Variants in PRRX2 observed in about 807,000 individuals in gnomAD.
PRRX2 encodes paired related homeobox 2.
In PRRX2, 11 loss-of-function variants were observed where a neutral mutation model predicts 18.0. The ratio of observed to expected loss-of-function variants is 0.61; its 90% confidence interval spans 0.39 to 1.01. The LOEUF is 1.01. Among genes scored for constraint, PRRX2 ranks in the 50% least tolerant of loss-of-function variants. The pLI is 0.01. For missense variants in PRRX2, 387 were observed against 351.0 expected (o/e 1.10, Z -0.82); for synonymous variants, 177 against 154.8 (o/e 1.14, Z -1.06).
At chr9:129,686,614 T>C (rs778675571) in intron 1 of PRRX2, among the ~76,000 whole-genome samples, 36 of 152,132 alleles carry the variant, frequency 2.4e-4, no homozygotes, top group Non-Finnish European at 4.6e-4. Flanking sequence ...ATCACAGGCA[T>C]GAGCCTCCCA....
intron 1 of PRRX2, among the ~76,000 whole-genome samples, chr9:129,710,688 G>A (rs922777574): frequency 6.6e-5 from 10 of 152,142 alleles, no homozygotes; most frequent in African/African-American, 2.2e-4. Context: ...AGCAGAGATC[G>A]CGCCAGTGCA....
rs549664445 is a variant in PRRX2 at position 129,680,683 on chromosome 9, C to T, written c.259+14557C>T. 5.3e-5 allele frequency among the ~76,000 whole-genome samples: 8 copies of T among 152,186 alleles called. No homozygotes were observed. The South Asian group carries it at 1.7e-3, about 32-fold the overall frequency. On this transcript the variant is annotated intron_variant, in intron 1 of 3. Transcript: ENST00000372469. ...CTTTCCAAAAGGGAGATAAGTTACCCAGCCCAACACCCCGCCCCCAGCCCG... is the reference window on the plus strand; with the variant it reads ...CTTTCCAAAAGGGAGATAAGTTACCTAGCCCAACACCCCGCCCCCAGCCCG...
intron 1 of PRRX2, among the ~76,000 whole-genome samples, chr9:129,711,498 C>T (rs866080413): frequency 3.3e-5 from 5 of 150,070 alleles, no homozygotes; most frequent in Middle Eastern, 3.5e-3. Flanking sequence ...CTCCACCTCC[C>T]GGGTTTAAGC....
chr9:129,705,860 G>C (rs1476951886), intron 1 of PRRX2, among the ~76,000 whole-genome samples: 1 of 151,622 alleles, frequency 6.6e-6, no homozygotes, highest in East Asian at 2.0e-4. Flanking sequence ...TGGATCGCCT[G>C]AGGTCAGGAG....
At chr9:129,673,297 A>C (rs1265134346) in intron 1 of PRRX2, among the ~76,000 whole-genome samples, 1 of 152,138 alleles carries the variant, frequency 6.6e-6, no homozygotes, top group African/African-American at 2.4e-5. Flanking sequence ...AACAGTAAAA[A>C]TTAAAAACAA....
rs1832413543 is a variant in PRRX2 at position 129,695,818 on chromosome 9, A to G, written c.260-23413A>G. The stretch of plus-strand genomic sequence containing the variant: ...AGAATTTCTGACAGCCCAAGTTAAC[A>G]AGCCCCCACAAGTGAATTCAGAGAG... On this transcript the variant is annotated intron_variant, in intron 1 of 3. Coordinates refer to ENST00000372469, the MANE Select transcript of PRRX2 (RefSeq NM_016307.4). The surrounding 1 kb of genome is among the most constrained non-coding windows in gnomAD (Gnocchi z 4.8). Among the ~76,000 whole-genome samples, 1 of 152,222 alleles carries G rather than the reference A, an allele frequency of 6.6e-6. No individual in the cohort carries two copies. Among genetic ancestry groups the G allele is most frequent in the Non-Finnish European group, 1.5e-5 (1 of 68,046 alleles).
chr9:129,692,402 A>G (rs531867699), intron 1 of PRRX2, among the ~76,000 whole-genome samples: 1 of 150,674 alleles, frequency 6.6e-6, no homozygotes, highest in African/African-American at 2.4e-5. Context: ...ACAGTGACAT[A>G]CCATCATCAC....
chr9:129,668,412 C>T (rs1409973600), intron 1 of PRRX2, among the ~76,000 whole-genome samples: 3 of 152,152 alleles, frequency 2.0e-5, no homozygotes, highest in Non-Finnish European at 4.4e-5. Flanking sequence ...GAGCCCGGTC[C>T]CCTCACCACG....
chr9:129,720,504 T>A, intron 2 of PRRX2, 92 bp from the exon 3 acceptor site: 1 of 1,287,674 alleles, frequency 7.8e-7, no homozygotes, highest in Non-Finnish European at 1.1e-6. Flanking sequence ...CTGCCAGCCC[T>A]GGGCTGGTGA....
In PRRX2 at chr9:129,675,227, A is replaced by C. The variant is rs1832149242; in HGVS notation, c.259+9101A>C. Among the ~76,000 whole-genome samples the C allele has an allele frequency of 6.6e-6, 1 of 152,168 alleles. No homozygotes were observed. Among genetic ancestry groups the C allele is most frequent in the African/African-American group, 2.4e-5 (1 of 41,440 alleles). On this transcript the variant is annotated intron_variant, in intron 1 of 3. Coordinates refer to ENST00000372469, the MANE Select transcript of PRRX2 (RefSeq NM_016307.4). This position sits in a 1 kb window ranked among gnomAD's most constrained non-coding sequence, Gnocchi z 4.4. The stretch of plus-strand genomic sequence containing the variant: ...TCCCCAGGGACTGGATTTTGTGCCA[A>C]AGCTGCACTGCCGGGTCTAGGAGGA...
At position 129,690,379 on chromosome 9, in the gene PRRX2, G is replaced by A. The variant is rs545407037; in HGVS notation, c.259+24253G>A. 1.1e-3 allele frequency among the ~76,000 whole-genome samples: 169 copies of A among 152,274 alleles called. 2 individuals carry two copies. The highest frequency in any genetic ancestry group is 2.0e-3 in the Non-Finnish European group (133 of 68,008). ...ACAGGTTGTATCACGCCAATGGGTAGGATCTGAACCCTGATCAAGGTACCC... is the reference window on the plus strand; with the variant it reads ...ACAGGTTGTATCACGCCAATGGGTAAGATCTGAACCCTGATCAAGGTACCC... On this transcript the variant is annotated intron_variant, in intron 1 of 3. Coordinates refer to ENST00000372469, the MANE Select transcript of PRRX2 (RefSeq NM_016307.4).
At chr9:129,708,053 G>A (rs1832578647) in intron 1 of PRRX2, among the ~76,000 whole-genome samples, 1 of 152,010 alleles carries the variant, frequency 6.6e-6, no homozygotes, top group Admixed American at 6.6e-5. Flanking sequence ...CCCTGGCTCA[G>A]CCTACTGGAG....
Position 129,672,300 on chromosome 9 carries a change from T to G in PRRX2, c.259+6174T>G, listed in dbSNP as rs570606413. Among the ~76,000 whole-genome samples, 6 of 152,262 alleles carry G rather than the reference T, an allele frequency of 3.9e-5. No individual in the cohort carries two copies. In the East Asian group the frequency reaches 1.2e-3, roughly 29 times the overall value. On this transcript the variant is annotated intron_variant, in intron 1 of 3. Coordinates refer to ENST00000372469, the MANE Select transcript of PRRX2 (RefSeq NM_016307.4). ...TGGTGAGAGTGACCGGGAAGCCTCG[T>G]GGGCACAGCAGCTGTGTGCTCTGCA...
chr9:129,697,914 C>T (rs181204093), intron 1 of PRRX2, among the ~76,000 whole-genome samples: 49 of 152,080 alleles, frequency 3.2e-4, no homozygotes, highest in Non-Finnish European at 4.1e-4. Flanking sequence ...GCCTTTGGGG[C>T]ATGCGAGAAA....
chr9:129,680,118 T>A (rs1197520851), intron 1 of PRRX2, among the ~76,000 whole-genome samples: 1 of 151,964 alleles, frequency 6.6e-6, no homozygotes, highest in East Asian at 1.9e-4. Flanking sequence ...AAACACCAAT[T>A]TAGGCAGGCA....
At chr9:129,666,399 A>C (rs568182708) in intron 1 of PRRX2, among the ~76,000 whole-genome samples, 2 of 152,088 alleles carry the variant, frequency 1.3e-5, no homozygotes, top group Non-Finnish European at 2.9e-5. Flanking sequence ...CAGCCTGGGA[A>C]GTGGGTGTGG....
intron 3 of PRRX2, among the ~76,000 whole-genome samples, chr9:129,721,256 G>A (rs1832788082): frequency 2.0e-5 from 3 of 152,198 alleles, no homozygotes; most frequent in South Asian, 4.1e-4. Context: ...CTGACGCTGG[G>A]AGGGCTGAGG....
chr9:129,704,862 G>A (rs1832538410), intron 1 of PRRX2, among the ~76,000 whole-genome samples: 1 of 152,172 alleles, frequency 6.6e-6, no homozygotes, highest in Admixed American at 6.5e-5. Flanking sequence ...GTTCCCAACT[G>A]GCTCTGGGCT....
intron 1 of PRRX2, among the ~76,000 whole-genome samples, chr9:129,683,367 A>G (rs1832257728): frequency 6.6e-6 from 1 of 152,190 alleles, no homozygotes; most frequent in South Asian, 2.1e-4. Flanking sequence ...ATTTCTTGAG[A>G]GCCCCTGCTC....
Sources: gnomAD v4.1 joint callset for allele counts (sites outside exome capture counted in the v4.1 genomes callset) on GRCh38, gnomAD v4.1.1 for gene constraint, Gnocchi (gnomAD v3.1) non-coding constraint, MANE v1.5 for transcripts, NCBI Gene and HGNC (gene_info 2026-07-23, HGNC 2026-07-21) for gene names.